Variants in THSD4 observed in about 807,000 individuals in gnomAD.
THSD4 encodes thrombospondin type-1 domain-containing protein 4.
Under a neutral mutation model 119.0 loss-of-function variants are expected in THSD4, and 69 were observed. The ratio of observed to expected loss-of-function variants is 0.58; its 90% CI spans 0.48 to 0.71. The LOEUF (loss-of-function observed/expected upper bound fraction) is 0.71. Among genes scored for constraint, THSD4 ranks in the 30% least tolerant of loss-of-function variants. The pLI, the probability that THSD4 is intolerant of heterozygous loss-of-function variation, is 0.00. For synonymous variants in THSD4, 524 were observed against 540.4 expected (o/e 0.97, Z 0.42); for missense variants, 1,393 against 1,391.1 (o/e 1.00, Z -0.02).
intron 6 of THSD4, among the ~76,000 whole-genome samples, chr15:71,398,653 G>A (rs953510606): frequency 2.0e-5 from 3 of 152,092 alleles, no homozygotes; most frequent in East Asian, 3.9e-4. Context: ...ATTGGGTTGC[G>A]CTCTAGAAAT....
chr15:71,341,953 C>T (rs1238409872), intron 6 of THSD4, among the ~76,000 whole-genome samples: 1 of 151,952 alleles, frequency 6.6e-6, no homozygotes, highest in Non-Finnish European at 1.5e-5. Context: ...AATTGAAAGC[C>T]AAGAAGACAG....
chr15:71,622,238 A>C (rs1200088765), intron 7 of THSD4, among the ~76,000 whole-genome samples: 1 of 152,216 alleles, frequency 6.6e-6, no homozygotes, highest in Non-Finnish European at 1.5e-5. Flanking sequence ...TTCTATAAAC[A>C]TTTTTATTGA....
rs929617593 is a variant in THSD4, at chr15:71,417,445, C to T, written c.1152+5622C>T. Among the ~76,000 whole-genome samples the T allele has an allele frequency of 4.6e-5, 5 of 108,356 alleles. 1 individual carries two copies. Among genetic ancestry groups the T allele is most frequent in the African/African-American group, 1.6e-4 (5 of 31,820 alleles). The allele number at this position is 108,356 out of a possible 152,430, so 71.1% of individuals were successfully genotyped here. On this transcript the variant is annotated intron_variant, in intron 7 of 17. Transcript: ENST00000261862. ...GAGATAGGAGTTTAGTTTCATTCTT[C>T]TGCATATGGATTTCCAGTTTTCCCA...
intron 7 of THSD4, among the ~76,000 whole-genome samples, chr15:71,531,185 A>G (rs943239817): frequency 6.6e-6 from 1 of 152,118 alleles, no homozygotes; most frequent in African/African-American, 2.4e-5. Flanking sequence ...ATGGGGCTAG[A>G]TCCTGCTGGG....
At chr15:71,548,506 G>A (rs1240109998) in intron 7 of THSD4, among the ~76,000 whole-genome samples, 1 of 152,192 alleles carries the variant, frequency 6.6e-6, no homozygotes, top group Non-Finnish European at 1.5e-5. Flanking sequence ...GCTAGCTGTG[G>A]TTTCAGCAGG....
chr15:71,676,609 A>G (rs2051657301), intron 8 of THSD4, among the ~76,000 whole-genome samples: 1 of 152,062 alleles, frequency 6.6e-6, no homozygotes, highest in Non-Finnish European at 1.5e-5. Context: ...CAAAAGCTGT[A>G]CTCAGTAAAC....
intron 7 of THSD4, among the ~76,000 whole-genome samples, chr15:71,657,783 T>C (rs1410836190): frequency 6.6e-6 from 1 of 152,212 alleles, no homozygotes; most frequent in Admixed American, 6.5e-5. Context: ...TTCCCATGTC[T>C]AGATTGATCC....
intron 2 of THSD4, among the ~76,000 whole-genome samples, chr15:71,144,244 T>A (rs929504683): frequency 6.6e-6 from 1 of 152,194 alleles, no homozygotes; most frequent in African/African-American, 2.4e-5. Context: ...ATAAACCAGG[T>A]GCACATCAAC....
chr15:71,678,719 A>T (rs903493774), intron 8 of THSD4, among the ~76,000 whole-genome samples: 9 of 151,988 alleles, frequency 5.9e-5, no homozygotes, highest in Non-Finnish European at 8.8e-5. Flanking sequence ...GCATCTCCTG[A>T]CTCTACCCTA....
chr15:71,588,858 G>T (rs1316861750), intron 7 of THSD4, among the ~76,000 whole-genome samples: 13 of 152,262 alleles, frequency 8.5e-5, no homozygotes, highest in Admixed American at 8.5e-4. Flanking sequence ...CAGTCAGGGG[G>T]CACAGTTTGA....
intron 7 of THSD4, among the ~76,000 whole-genome samples, chr15:71,643,179 GGT>G (rs2050899456): frequency 6.6e-6 from 1 of 151,892 alleles, no homozygotes; most frequent in Non-Finnish European, 1.5e-5. Flanking sequence ...TAAATCATCT[GGT>G]CCGGTGGTCC....
chr15:71,380,445 G>T (rs1412543637), intron 6 of THSD4, among the ~76,000 whole-genome samples: 1 of 152,056 alleles, frequency 6.6e-6, no homozygotes, highest in Non-Finnish European at 1.5e-5. Flanking sequence ...ACCGTTTGAT[G>T]CTCAATGAAT....
intron 3 of THSD4, among the ~76,000 whole-genome samples, chr15:71,193,917 T>C (rs370838797): frequency 6.6e-6 from 1 of 152,234 alleles, no homozygotes; most frequent in East Asian, 1.9e-4. Context: ...TTCACCGTGT[T>C]AGCCAGGATG....
At chr15:71,499,550 A>G (rs2048080297) in intron 7 of THSD4, among the ~76,000 whole-genome samples, 1 of 151,462 alleles carries the variant, frequency 6.6e-6, no homozygotes, top group African/African-American at 2.4e-5. Context: ...TTAAGTGTAT[A>G]GTACAATAGT....
At chr15:71,442,660 G>GTGTATGTATGTATGTATATATGTATA in intron 7 of THSD4, among the ~76,000 whole-genome samples, 1 of 25,818 alleles carries the variant, frequency 3.9e-5, no homozygotes, top group African/African-American at 1.1e-4. Flanking sequence ...GTGTGTGTGT[G>GTGTATGTATGTATGTATATATGTATA]TATATATATA....
intron 14 of THSD4, among the ~76,000 whole-genome samples, chr15:71,755,246 G>A (rs2053518036): frequency 6.6e-6 from 1 of 152,204 alleles, no homozygotes; most frequent in Non-Finnish European, 1.5e-5. Context: ...TGCTCCAGAG[G>A]GAGTTTCTTC....
chr15:71,132,470 C>T (rs1802245299), intron 1 of THSD4, among the ~76,000 whole-genome samples: 1 of 152,048 alleles, frequency 6.6e-6, no homozygotes, highest in South Asian at 2.1e-4. Context: ...GTAAAATATG[C>T]AGATGATATG....
At chr15:71,610,830 C>T (rs1256970343) in intron 7 of THSD4, among the ~76,000 whole-genome samples, 1 of 152,068 alleles carries the variant, frequency 6.6e-6, no homozygotes, top group East Asian at 1.9e-4. Flanking sequence ...AAGCAGAGAG[C>T]AGTAGGGGCA....
chr15:71,346,626 C>A (rs2045664190), intron 6 of THSD4, among the ~76,000 whole-genome samples: 1 of 152,080 alleles, frequency 6.6e-6, no homozygotes, highest in Non-Finnish European at 1.5e-5. Context: ...CCAAGGAGCC[C>A]TCGTCCATTT....
Sources: gnomAD v4.1 joint callset for allele counts (sites outside exome capture counted in the v4.1 genomes callset) on GRCh38, gnomAD v4.1.1 for gene constraint, MANE v1.5 for transcripts, NCBI Gene and HGNC (gene_info 2026-07-23, HGNC 2026-07-21) for gene names.